The following SYT9 variants were observed in gnomAD, a reference collection of about 807,000 sequenced individuals.
SYT9 encodes synaptotagmin-9.
SYT9 carries 22 observed loss-of-function variants against 48.4 expected under a neutral mutation model. That is an observed-to-expected ratio of 0.45 (90% CI 0.32 to 0.65). The LOEUF is 0.65. Ranked by LOEUF, SYT9 falls within the 30% of genes least tolerant of loss-of-function variation. SYT9 has a pLI of 0.03. For synonymous variants in SYT9, 265 were observed against 245.0 expected, an observed-to-expected ratio of 1.08 and a Z score of -0.76; for missense variants, 577 against 622.0, an observed-to-expected ratio of 0.93 and a Z score of 0.77.
At chr11:7,306,942 A>G (rs1203635812) in intron 2 of SYT9, among the ~76,000 whole-genome samples, 1 of 152,176 alleles carries the variant, frequency 6.6e-6, no homozygotes, top group East Asian at 1.9e-4. Flanking sequence ...ACTTTTTTCC[A>G]TGAATGACTG....
intron 3 of SYT9, among the ~76,000 whole-genome samples, chr11:7,381,367 A>G (rs928031181): frequency 2.0e-5 from 3 of 152,240 alleles, no homozygotes; most frequent in Admixed American, 6.5e-5. Flanking sequence ...TCCCAGTAGC[A>G]TGCATGAGAT....
intron 3 of SYT9, among the ~76,000 whole-genome samples, chr11:7,333,263 A>G (rs759554608): frequency 5.9e-5 from 9 of 152,142 alleles, no homozygotes; most frequent in Non-Finnish European, 1.2e-4. Flanking sequence ...GAAAGTGGCC[A>G]TATTTGCAAT....
chr11:7,354,595 A>G (rs1243112612), intron 3 of SYT9, among the ~76,000 whole-genome samples: 1 of 152,096 alleles, frequency 6.6e-6, no homozygotes, highest in Non-Finnish European at 1.5e-5. Flanking sequence ...CTCAGTTCTG[A>G]AAAGCTCCTA....
chr11:7,367,103 A>T (rs1850264664), intron 3 of SYT9, among the ~76,000 whole-genome samples: 1 of 68,264 alleles, frequency 1.5e-5, no homozygotes, highest in Non-Finnish European at 2.6e-5. Flanking sequence ...TTTTTTCGAG[A>T]CGGAGCCTCG....
intron 1 of SYT9, among the ~76,000 whole-genome samples, chr11:7,274,234 A>G (rs1430564087): frequency 6.6e-6 from 1 of 151,898 alleles, no homozygotes; most frequent in African/African-American, 2.4e-5. Flanking sequence ...AGGCATTTCA[A>G]GCTTAGTTGA....
intron 3 of SYT9, among the ~76,000 whole-genome samples, chr11:7,385,243 A>G (rs1850634706): frequency 6.6e-6 from 1 of 152,060 alleles, no homozygotes; most frequent in African/African-American, 2.4e-5. Flanking sequence ...AGATTCCCAG[A>G]ACCCAGAGTA....
chr11:7,449,581 G>A (rs1030188356), intron 6 of SYT9, among the ~76,000 whole-genome samples: 1 of 152,126 alleles, frequency 6.6e-6, no homozygotes, highest in Non-Finnish European at 1.5e-5. Flanking sequence ...GGAAGTGGGG[G>A]CTGGTTTGGA....
chr11:7,353,544 G>T (rs1274826610), intron 3 of SYT9, among the ~76,000 whole-genome samples: 1 of 152,196 alleles, frequency 6.6e-6, no homozygotes, highest in Non-Finnish European at 1.5e-5. Flanking sequence ...GTGAGTGATG[G>T]CTGTGCCCTC....
rs748142931 is a variant in SYT9 at position 7,252,345 on chromosome 11, C to T, written c.145+14C>T. On this transcript the variant is annotated intron_variant, in intron 1 of 6. Transcript: ENST00000318881. The surrounding 1 kb of genome is among the most constrained non-coding windows in gnomAD (Gnocchi z 6.3). ...TCCGCGACCCAGGTGAGTGCCGCCA[C>T]CGCCGCCTGGAGGGACCTAAGGGCC... 2.1e-6 allele frequency: 3 copies of T among 1,455,156 alleles called. No homozygotes were observed. The highest frequency in any genetic ancestry group is 2.7e-6 in the Non-Finnish European group (3 of 1,103,016). The allele number at this position is 1,455,156 out of a possible 1,614,324, so 90.1% of individuals were successfully genotyped here. A position where few individuals can be genotyped will look rare whatever the true frequency, so the allele number is the denominator to read the frequency against.
rs1848506588 is a variant in SYT9 at position 7,282,191 on chromosome 11, C to G, written c.146-20848C>G. ...TCCAGGTTAGGGTAAGAAAACTTTTCTCCTAATAATGTAATAAAATTTTAC... is the reference window on the plus strand; with the variant it reads ...TCCAGGTTAGGGTAAGAAAACTTTTGTCCTAATAATGTAATAAAATTTTAC... On this transcript the variant is annotated intron_variant, in intron 1 of 6. Transcript: ENST00000318881. Among the ~76,000 whole-genome samples, 5 of 152,072 alleles carry G rather than the reference C, an allele frequency of 3.3e-5. No individual in the cohort carries two copies. The South Asian group carries it at 1.0e-3, about 32-fold the overall frequency.
At chr11:7,262,779 C>G (rs1012432818) in intron 1 of SYT9, among the ~76,000 whole-genome samples, 1 of 151,910 alleles carries the variant, frequency 6.6e-6, no homozygotes, top group South Asian at 2.1e-4. Flanking sequence ...GGAACAAGAG[C>G]CTGATTGGCA....
At chr11:7,293,155 T>A (rs896102432) in intron 1 of SYT9, among the ~76,000 whole-genome samples, 4 of 152,198 alleles carry the variant, frequency 2.6e-5, no homozygotes, top group African/African-American at 9.7e-5. Context: ...CTCTCAATGC[T>A]AATTTTAGGC....
chr11:7,347,236 AT>A (rs33978026), intron 3 of SYT9, among the ~76,000 whole-genome samples: 133 of 149,412 alleles, frequency 8.9e-4, no homozygotes, highest in African/African-American at 2.7e-3. Context: ...TCATCAAAAT[AT>A]TTTTTTTTTT....
Position 7,252,146 on chromosome 11 carries a change from G to C in SYT9, c.-41G>C. 1 of 1,382,000 alleles carries C rather than the reference G, an allele frequency of 7.2e-7. No homozygotes were observed. The highest frequency in any genetic ancestry group is 9.3e-7 in the Non-Finnish European group (1 of 1,072,494). 85.6% of individuals were successfully genotyped at this position (1,382,000 alleles called of 1,614,324 possible). Reference sequence around the variant, plus strand: ...GCTGGCAGGCGGAGGGCTGTCTCCTGCGCCCGCCTGCCCGGCGCGGTCCGA... The same window carrying C: ...GCTGGCAGGCGGAGGGCTGTCTCCTCCGCCCGCCTGCCCGGCGCGGTCCGA... On this transcript the variant is annotated 5_prime_UTR_variant, in exon 1 of 7. Transcript: ENST00000318881. This position sits in a 1 kb window ranked among gnomAD's most constrained non-coding sequence, Gnocchi z 6.3.
chr11:7,440,204 T>C (rs1440468336), intron 6 of SYT9: 1 of 152,028 alleles, frequency 6.6e-6, no homozygotes, highest in East Asian at 1.9e-4. Context: ...TGTTTTCACA[T>C]AGTTTCCCAC....
rs527313935 is a variant in SYT9, at chr11:7,311,408, A to G, written c.498-1987A>G. On this transcript the variant is annotated intron_variant, in intron 2 of 6. Coordinates refer to ENST00000318881, the MANE Select transcript of SYT9 (RefSeq NM_175733.4). ...TTGCTGTGATGAATCGAATGCCAGTACTAAGAAAATTCAAAGGGAAATTGT... is the reference window on the plus strand; with the variant it reads ...TTGCTGTGATGAATCGAATGCCAGTGCTAAGAAAATTCAAAGGGAAATTGT... Among the ~76,000 whole-genome samples, 266 of 152,370 alleles carry G rather than the reference A, an allele frequency of 1.7e-3. 1 individual carries two copies. The highest frequency in any genetic ancestry group is 6.1e-3 in the African/African-American group (254 of 41,594).
intron 1 of SYT9, among the ~76,000 whole-genome samples, chr11:7,243,358 A>G (rs1847758635): frequency 2.0e-5 from 3 of 152,240 alleles, no homozygotes; most frequent in Admixed American, 2.0e-4. Flanking sequence ...AACTCGGCAG[A>G]TAACCTGAAG....
chr11:7,259,423 T>C (rs1848037725), intron 1 of SYT9, among the ~76,000 whole-genome samples: 1 of 152,128 alleles, frequency 6.6e-6, no homozygotes, highest in Admixed American at 6.5e-5. Context: ...GTATTTATAG[T>C]CCCCTGTTTC....
chr11:7,358,652 A>C (rs890681562), intron 3 of SYT9, among the ~76,000 whole-genome samples: 10 of 152,142 alleles, frequency 6.6e-5, no homozygotes, highest in Non-Finnish European at 1.5e-4. Flanking sequence ...ATGAGTGTTA[A>C]ATTTTCATGT....
Sources: allele counts gnomAD v4.1 joint callset (sites outside exome capture counted in the v4.1 genomes callset), GRCh38; gene constraint gnomAD v4.1.1; non-coding constraint Gnocchi (gnomAD v3.1); transcripts MANE v1.5; gene names NCBI Gene and HGNC (gene_info 2026-07-23, HGNC 2026-07-21).